The following DNM3 variants were observed in gnomAD, a reference collection of about 807,000 sequenced individuals.
The protein encoded by DNM3 is dynamin 3.
DNM3 carries 47 observed loss-of-function variants against 101.6 expected under a neutral mutation model. That is an observed-to-expected ratio of 0.46 (90% CI 0.37 to 0.59). The LOEUF (loss-of-function observed/expected upper bound fraction) is 0.59, where lower values mean the gene tolerates loss of function less well. Among genes scored for constraint, DNM3 ranks in the 20% least tolerant of loss-of-function variants. The pLI is 0.00. For synonymous variants in DNM3, 385 were observed against 387.9 expected, an observed-to-expected ratio of 0.99 and a Z score of 0.09; for missense variants, 849 against 1,085.7, an observed-to-expected ratio of 0.78 and a Z score of 3.06.
chr1:172,063,096 CT>C (rs1425172143), intron 10 of DNM3, among the ~76,000 whole-genome samples: 8 of 152,044 alleles, frequency 5.3e-5, no homozygotes, highest in Non-Finnish European at 2.9e-5. Context: ...CATAAAAGCC[CT>C]TATCTTTAGG....
At chr1:171,910,691 A>T (rs1449658775) in intron 1 of DNM3, among the ~76,000 whole-genome samples, 1 of 152,220 alleles carries the variant, frequency 6.6e-6, no homozygotes, top group African/African-American at 2.4e-5. Flanking sequence ...ACTAAAAATG[A>T]TGACAATGAT....
In DNM3 at chr1:172,379,323, A is replaced by G. The variant is rs1036469981; in HGVS notation, c.2058+141A>G. On this transcript the variant is annotated intron_variant, in intron 18 of 20. Coordinates refer to ENST00000627582, the MANE Select transcript of DNM3 (RefSeq NM_015569.5). ...GGTTCATCATTTTCCATTAGACGTGATATGTGACTGACCAGTGAAAGAGAA... is the reference window on the plus strand; with the variant it reads ...GGTTCATCATTTTCCATTAGACGTGGTATGTGACTGACCAGTGAAAGAGAA... 9 of 796,448 alleles carry G rather than the reference A, an allele frequency of 1.1e-5. No individual in the cohort carries two copies. The African/African-American group carries it at 1.6e-4, about 14-fold the overall frequency. 49.3% of individuals were successfully genotyped at this position (796,448 alleles called of 1,614,324 possible).
intron 13 of DNM3, among the ~76,000 whole-genome samples, chr1:172,109,794 A>G (rs2055325702): frequency 1.3e-5 from 2 of 152,204 alleles, no homozygotes; most frequent in Non-Finnish European, 2.9e-5. Flanking sequence ...CATCTGTTAC[A>G]TACTTTACTT....
At chr1:171,934,532 T>G (rs947444962) in intron 2 of DNM3, among the ~76,000 whole-genome samples, 1 of 152,248 alleles carries the variant, frequency 6.6e-6, no homozygotes, top group African/African-American at 2.4e-5. Flanking sequence ...TTGCAATTCT[T>G]AAAAGCCCAG....
intron 20 of DNM3, among the ~76,000 whole-genome samples, chr1:172,400,119 C>G (rs937624070): frequency 6.6e-6 from 1 of 152,052 alleles, no homozygotes; most frequent in Non-Finnish European, 1.5e-5. Flanking sequence ...TTTTTCCTCC[C>G]TATCCTTTCT....
At chr1:172,276,486 A>G (rs1235940250) in intron 15 of DNM3, among the ~76,000 whole-genome samples, 1 of 151,980 alleles carries the variant, frequency 6.6e-6, no homozygotes, top group Non-Finnish European at 1.5e-5. Flanking sequence ...ATTTATGTGT[A>G]AATTGTGTTA....
intron 1 of DNM3, among the ~76,000 whole-genome samples, chr1:171,901,447 C>G (rs1396989736): frequency 6.6e-6 from 1 of 150,832 alleles, no homozygotes; most frequent in Admixed American, 6.6e-5. Flanking sequence ...ACACAACTCT[C>G]ACCAGTCAGC....
At position 172,224,559 on chromosome 1, in the gene DNM3, T is replaced by A. The variant is rs1365482472; in HGVS notation, c.1660-29014T>A. Among the ~76,000 whole-genome samples, 5 of 152,250 alleles carry A rather than the reference T, an allele frequency of 3.3e-5. No homozygotes were observed. In the South Asian group the frequency reaches 1.0e-3, roughly 32 times the overall value. ...AGCAAAAAAAAATCAACTTGCCACA[T>A]GTTAGCAACCGAGACCTCATGATTG... On this transcript the variant is annotated intron_variant, in intron 14 of 20. Transcript: ENST00000627582.
At chr1:171,853,958 T>C (rs1388766511) in intron 1 of DNM3, among the ~76,000 whole-genome samples, 1 of 152,218 alleles carries the variant, frequency 6.6e-6, no homozygotes, top group Admixed American at 6.5e-5. Flanking sequence ...TTTCATCTTT[T>C]CTGTGTATGC....
chr1:172,409,744 G>A lies in DNM3; in HGVS notation c.*1903G>A. The A allele has an allele frequency of 2.0e-6, 2 of 985,358 alleles. No individual in the cohort carries two copies. Among genetic ancestry groups the A allele is most frequent in the South Asian group, 9.4e-5 (2 of 21,284 alleles). The allele number at this position is 985,358 out of a possible 1,614,324, so 61.0% of individuals were successfully genotyped here. On this transcript the variant is annotated 3_prime_UTR_variant, in exon 21 of 21. Transcript: ENST00000627582. ...GTGAGATCTTTTTATAAAACTTCTTGTTTTTAGGATTCCCTTTGCTTCTTC... is the reference window on the plus strand; with the variant it reads ...GTGAGATCTTTTTATAAAACTTCTTATTTTTAGGATTCCCTTTGCTTCTTC...
chr1:172,063,148 A>C (rs529639377), intron 10 of DNM3, among the ~76,000 whole-genome samples: 35 of 152,292 alleles, frequency 2.3e-4, no homozygotes, highest in Admixed American at 1.5e-3. Context: ...TATAGAAGAA[A>C]TTTTGTTCTG....
chr1:172,415,543 T>TGTTC (rs2071399764), downstream of DNM3, among the ~76,000 whole-genome samples: 1 of 147,502 alleles, frequency 6.8e-6, no homozygotes, highest in Non-Finnish European at 1.5e-5. Flanking sequence ...TTTTTTTTTT[T>TGTTC]TTTTGAGACA....
Position 172,328,186 on chromosome 1 carries a change from G to C in DNM3, c.1893+4846G>C, listed in dbSNP as rs2066018721. On this transcript the variant is annotated intron_variant, in intron 17 of 20. Transcript: ENST00000627582. ...TATATATTTTTATTTTCTCTGTTGG[G>C]TCGAAAATGAAGTGACCTCTCTAGT... Among the ~76,000 whole-genome samples, 5 of 152,088 alleles carry C rather than the reference G, an allele frequency of 3.3e-5. No homozygotes were observed. In the South Asian group the frequency reaches 1.0e-3, roughly 32 times the overall value.
At chr1:171,955,154 G>C (rs562545134) in intron 2 of DNM3, among the ~76,000 whole-genome samples, 192 of 152,300 alleles carry the variant, frequency 1.3e-3, no homozygotes, top group African/African-American at 4.4e-3. Flanking sequence ...TGAGTTGCTG[G>C]ATAAGTGTTA....
At chr1:172,377,943 T>C (rs2068698514) in intron 17 of DNM3, among the ~76,000 whole-genome samples, 1 of 152,042 alleles carries the variant, frequency 6.6e-6, no homozygotes, top group Non-Finnish European at 1.5e-5. Flanking sequence ...TATCATTTAA[T>C]ATCCAGTAAA....
chr1:172,295,892 A>G (rs942666028), intron 15 of DNM3, among the ~76,000 whole-genome samples: 2 of 152,212 alleles, frequency 1.3e-5, no homozygotes, highest in Non-Finnish European at 2.9e-5. Context: ...AAACAAAGAT[A>G]GGTCAGGCAA....
At chr1:172,401,587 T>A (rs1274091744) in intron 20 of DNM3, among the ~76,000 whole-genome samples, 1 of 152,214 alleles carries the variant, frequency 6.6e-6, no homozygotes, top group Non-Finnish European at 1.5e-5. Flanking sequence ...TGGGTTCATT[T>A]TCACAGGGGA....
At chr1:171,909,781 A>G (rs1366272459) in intron 1 of DNM3, among the ~76,000 whole-genome samples, 1 of 152,204 alleles carries the variant, frequency 6.6e-6, no homozygotes, top group Non-Finnish European at 1.5e-5. Flanking sequence ...TTATAATTGG[A>G]ACAATTAGAG....
intron 16 of DNM3, among the ~76,000 whole-genome samples, chr1:172,316,534 A>AT (rs2065367302): frequency 6.6e-6 from 1 of 152,094 alleles, no homozygotes; most frequent in Admixed American, 6.6e-5. Flanking sequence ...AAATAAAAGG[A>AT]TTGAGGAAGA....
Sources: gnomAD v4.1 joint callset for allele counts (sites outside exome capture counted in the v4.1 genomes callset) on GRCh38, gnomAD v4.1.1 for gene constraint, MANE v1.5 for transcripts, NCBI Gene and HGNC (gene_info 2026-07-23, HGNC 2026-07-21) for gene names.